Variants in DOK6 observed in about 807,000 individuals in gnomAD.
DOK6 encodes the protein docking protein 6.
Under a neutral mutation model 44.0 loss-of-function variants are expected in DOK6, and 22 were observed. The observed-to-expected ratio is 0.50, with a 90% CI of 0.36 to 0.71. The LOEUF (loss-of-function observed/expected upper bound fraction) is 0.71, where lower values mean the gene tolerates loss of function less well. Among genes scored for constraint, DOK6 ranks in the 30% least tolerant of loss-of-function variants. The pLI is 0.00. For missense variants in DOK6, 340 were observed against 416.4 expected (o/e 0.82, Z 1.60); for synonymous variants, 166 against 145.5 (o/e 1.14, Z -1.01).
intron 1 of DOK6, among the ~76,000 whole-genome samples, chr18:69,402,166 A>G (rs1028614834): frequency 3.3e-5 from 5 of 152,052 alleles, no homozygotes; most frequent in South Asian, 4.2e-4. Context: ...GGAGCGCGCG[A>G]TGTAGGGTGG....
rs141704314 is a variant in DOK6 at position 69,744,690 on chromosome 18, C to T, written c.738+5587C>T. Among the ~76,000 whole-genome samples, 218 of 152,038 alleles carry T rather than the reference C, an allele frequency of 1.4e-3. 2 individuals carry two copies. The highest frequency in any genetic ancestry group is 0.01 in the Middle Eastern group (3 of 294). On this transcript the variant is annotated intron_variant, in intron 6 of 7. Transcript: ENST00000382713. ...CTGTAACCCCTGCACTTTGGGAGGCCGAGGCGGACAGATCACTTGAGGTCA... is the reference window on the plus strand; with the variant it reads ...CTGTAACCCCTGCACTTTGGGAGGCTGAGGCGGACAGATCACTTGAGGTCA...
chr18:69,839,854 A>AT (rs1982164341), intron 7 of DOK6, among the ~76,000 whole-genome samples: 1 of 152,170 alleles, frequency 6.6e-6, no homozygotes, highest in African/African-American at 2.4e-5. Context: ...CTTCTCTTTG[A>AT]TCCCCTCTTG....
In DOK6 at chr18:69,700,216, C is replaced by CATATATATATATATAT. The variant is rs61078235; in HGVS notation, c.599+1626_599+1641dup. On this transcript the variant is annotated intron_variant, in intron 5 of 7. Coordinates refer to ENST00000382713, the MANE Select transcript of DOK6 (RefSeq NM_152721.6). ...TATCAGTTAGTTTTACATATATATA[C>CATATATATATATATAT]ATATATATATATATATATGAATTGA... Among the ~76,000 whole-genome samples, 578 of 124,726 alleles carry CATATATATATATATAT rather than the reference C, an allele frequency of 4.6e-3. 21 individuals are homozygous for CATATATATATATATAT. Among genetic ancestry groups the CATATATATATATATAT allele is most frequent in the East Asian group, 0.027 (88 of 3,250 alleles). The allele number at this position is 124,726 out of a possible 152,430, so 81.8% of individuals were successfully genotyped here.
chr18:69,759,730 T>C (rs993008237), intron 7 of DOK6, among the ~76,000 whole-genome samples: 5 of 152,200 alleles, frequency 3.3e-5, no homozygotes, highest in African/African-American at 4.8e-5. Context: ...TGTATAGATA[T>C]AATAACTGAT....
chr18:69,768,125 G>T (rs771998991), intron 7 of DOK6, among the ~76,000 whole-genome samples: 1 of 151,668 alleles, frequency 6.6e-6, no homozygotes, highest in Non-Finnish European at 1.5e-5. Flanking sequence ...AATTTTGTGG[G>T]GAATATATAT....
At chr18:69,490,915 T>C (rs1039078469) in intron 1 of DOK6, among the ~76,000 whole-genome samples, 18 of 152,256 alleles carry the variant, frequency 1.2e-4, no homozygotes, top group African/African-American at 3.9e-4. Flanking sequence ...ATTTCTGTCA[T>C]GAATTTTACA....
intron 1 of DOK6, among the ~76,000 whole-genome samples, chr18:69,474,003 A>C (rs569773499): frequency 2.6e-5 from 4 of 152,314 alleles, no homozygotes; most frequent in Admixed American, 2.6e-4. Context: ...CTTCAGACTC[A>C]ATGACACATT....
chr18:69,466,257 T>G (rs1416261079), intron 1 of DOK6, among the ~76,000 whole-genome samples: 2 of 152,178 alleles, frequency 1.3e-5, no homozygotes, highest in African/African-American at 2.4e-5. Flanking sequence ...ATGAGTGAGA[T>G]CATGCAGCAT....
At chr18:69,778,044 A>G (rs1980134024) in intron 7 of DOK6, 1 of 152,184 alleles carries the variant, frequency 6.6e-6, no homozygotes, top group African/African-American at 2.4e-5. Context: ...AACAATTTTT[A>G]TAAGCACTTA....
intron 1 of DOK6, among the ~76,000 whole-genome samples, chr18:69,540,391 G>T (rs947422881): frequency 2.0e-4 from 31 of 151,984 alleles, no homozygotes; most frequent in Non-Finnish European, 4.6e-4. Context: ...ATTTTTCTGA[G>T]TTTTACTGGC....
chr18:69,524,472 C>T (rs1022232696), intron 1 of DOK6, among the ~76,000 whole-genome samples: 4 of 151,850 alleles, frequency 2.6e-5, no homozygotes, highest in African/African-American at 4.8e-5. Flanking sequence ...TACAGTAGTA[C>T]GTACAGTGGC....
intron 7 of DOK6, among the ~76,000 whole-genome samples, chr18:69,801,440 C>T (rs186288299): frequency 1.3e-5 from 2 of 152,258 alleles, no homozygotes; most frequent in African/African-American, 2.4e-5. Context: ...CACCAAATAT[C>T]GGAAGATTAT....
intron 1 of DOK6, among the ~76,000 whole-genome samples, chr18:69,422,297 G>C (rs1294681684): frequency 6.6e-6 from 1 of 152,126 alleles, no homozygotes; most frequent in South Asian, 2.1e-4. Context: ...AATTTTATTA[G>C]TGCTTCTCAA....
intron 2 of DOK6, among the ~76,000 whole-genome samples, chr18:69,568,550 A>C (rs544200621): frequency 6.6e-6 from 1 of 152,190 alleles, no homozygotes; most frequent in East Asian, 1.9e-4. Flanking sequence ...CACCAAAGCA[A>C]TATTGGCCAT....
intron 3 of DOK6, among the ~76,000 whole-genome samples, chr18:69,625,651 A>C (rs1984541933): frequency 6.6e-6 from 1 of 152,210 alleles, no homozygotes; most frequent in Non-Finnish European, 1.5e-5. Flanking sequence ...TAATTGCTTC[A>C]GAAAATACAC....
intron 6 of DOK6, among the ~76,000 whole-genome samples, chr18:69,751,165 T>A (rs1979164742): frequency 6.6e-6 from 1 of 152,198 alleles, no homozygotes; most frequent in South Asian, 2.1e-4. Flanking sequence ...AGAGTATGTT[T>A]TATTTTGATT....
intron 7 of DOK6, among the ~76,000 whole-genome samples, chr18:69,804,905 A>T (rs1409111479): frequency 6.6e-6 from 1 of 152,188 alleles, no homozygotes; most frequent in Admixed American, 6.5e-5. Flanking sequence ...GGTGACGAGT[A>T]TCTACCAAAG....
intron 1 of DOK6, 121 bp downstream of exon 1, chr18:69,401,431 G>A (rs924768294): frequency 1.7e-6 from 2 of 1,170,842 alleles, no homozygotes; most frequent in Admixed American, 4.0e-5. Context: ...CCGGCCCTTA[G>A]GCGGATGGCC....
chr18:69,534,060 G>A (rs914811023), intron 1 of DOK6, among the ~76,000 whole-genome samples: 15 of 152,070 alleles, frequency 9.9e-5, no homozygotes, highest in South Asian at 4.1e-4. Context: ...TACATTACAC[G>A]TATTACCTCA....
Sources: allele counts gnomAD v4.1 joint callset (sites outside exome capture counted in the v4.1 genomes callset), GRCh38; gene constraint gnomAD v4.1.1; transcripts MANE v1.5; gene names NCBI Gene and HGNC (gene_info 2026-07-23, HGNC 2026-07-21).